Variants in VPS13B observed in about 807,000 individuals in gnomAD.
VPS13B encodes intermembrane lipid transfer protein VPS13B.
Under a neutral mutation model 426.4 loss-of-function variants are expected in VPS13B, and 285 were observed. The ratio of observed to expected loss-of-function variants is 0.67; its 90% CI spans 0.61 to 0.74. VPS13B has a LOEUF of 0.74. Ranked by LOEUF, VPS13B falls within the 30% of genes least tolerant of loss-of-function variation. VPS13B has a pLI of 0.00. For missense variants in VPS13B, 4,537 were observed against 4,782.6 expected (o/e 0.95, Z 1.51); for synonymous variants, 1,676 against 1,676.4 (o/e 1.00, Z 0.01).
At chr8:99,573,797 C>T (rs1825615966) in intron 31 of VPS13B, among the ~76,000 whole-genome samples, 7 of 152,036 alleles carry the variant, frequency 4.6e-5, no homozygotes, top group Admixed American at 4.6e-4. Flanking sequence ...TTTTTTGGTT[C>T]CATATGAACT....
chr8:99,329,810 A>G (rs1810459778), intron 19 of VPS13B, among the ~76,000 whole-genome samples: 1 of 152,082 alleles, frequency 6.6e-6, no homozygotes. Flanking sequence ...GCAAATAAAA[A>G]TAAAATAGAT....
chr8:99,309,032 G>GT (rs1415763327), intron 19 of VPS13B, among the ~76,000 whole-genome samples: 2 of 152,028 alleles, frequency 1.3e-5, no homozygotes, highest in Non-Finnish European at 2.9e-5. Context: ...GGAGTTGTTT[G>GT]TTTTTTTCTT....
intron 43 of VPS13B, 145 bp downstream of exon 43, chr8:99,784,621 T>C: frequency 9.2e-7 from 1 of 1,092,564 alleles, no homozygotes; most frequent in Admixed American, 1.9e-5. Flanking sequence ...AACCCAAGAG[T>C]GTTTAGAGAT....
At chr8:99,405,324 T>C (rs1815265518) in intron 21 of VPS13B, among the ~76,000 whole-genome samples, 1 of 152,190 alleles carries the variant, frequency 6.6e-6, no homozygotes, top group Admixed American at 6.5e-5. Context: ...CGAACCTTCA[T>C]TCACCATGAT....
rs376954713 is a variant in VPS13B, at chr8:99,507,843, C to T, written c.4224+640C>T. 1.8e-5 allele frequency: 29 copies of T among 1,613,914 alleles called. No homozygotes were observed. The highest frequency in any genetic ancestry group is 4.4e-5 in the South Asian group (4 of 91,078). ...TTCCTGTACTGACAAGCTGAACAGA[C>T]GCACCTTGTTGGTTCGACCCATCAG... On this transcript the variant is annotated intron_variant, in intron 28 of 61. Transcript: ENST00000357162.
chr8:99,719,976 TA>T (rs1220976333), intron 37 of VPS13B, among the ~76,000 whole-genome samples: 1 of 152,202 alleles, frequency 6.6e-6, no homozygotes, highest in Non-Finnish European at 1.5e-5. Flanking sequence ...AGGTTATTAT[TA>T]TGATTTTATT....
chr8:99,098,362 A>C (rs920652253), intron 4 of VPS13B, among the ~76,000 whole-genome samples: 6 of 152,118 alleles, frequency 3.9e-5, no homozygotes, highest in Non-Finnish European at 2.9e-5. Context: ...ACACTCACAC[A>C]TATGCACACA....
At chr8:99,759,783 A>G (rs1233605362) in intron 39 of VPS13B, among the ~76,000 whole-genome samples, 4 of 151,750 alleles carry the variant, frequency 2.6e-5, no homozygotes, top group African/African-American at 7.3e-5. Context: ...TATTCTTGGC[A>G]CTTCCCTCTC....
At chr8:99,736,735 C>T (rs1239162336) in intron 39 of VPS13B, among the ~76,000 whole-genome samples, 1 of 138,066 alleles carries the variant, frequency 7.2e-6, no homozygotes, top group Non-Finnish European at 1.5e-5. Context: ...GACTTCAGGA[C>T]TGAAAGATGT....
At chr8:99,546,145 G>T (rs777912944) in intron 30 of VPS13B, among the ~76,000 whole-genome samples, 1 of 151,718 alleles carries the variant, frequency 6.6e-6, no homozygotes, top group East Asian at 1.9e-4. Context: ...CTTCTTGACC[G>T]ATTTTATAAT....
intron 30 of VPS13B, among the ~76,000 whole-genome samples, chr8:99,534,208 C>T (rs1563781040): frequency 6.6e-6 from 1 of 152,082 alleles, no homozygotes; most frequent in Admixed American, 6.5e-5. Flanking sequence ...TTACATTTGG[C>T]CCTCACCAAA....
In VPS13B at chr8:99,729,380, T is replaced by C. The variant is rs80245833; in HGVS notation, c.7050+8333T>C. Among the ~76,000 whole-genome samples the C allele has an allele frequency of 6.4e-4, 97 of 152,302 alleles. 3 individuals are homozygous for C. The East Asian group carries it at 0.016, about 25-fold the overall frequency. Reference sequence around the variant, plus strand: ...TCTGCTCTGCACATCAAAGGCTATCTGCATCTGGAGAAAAGCCTTACACCA... The same window carrying C: ...TCTGCTCTGCACATCAAAGGCTATCCGCATCTGGAGAAAAGCCTTACACCA... On this transcript the variant is annotated intron_variant, in intron 39 of 61. Transcript: ENST00000357162.
intron 3 of VPS13B, among the ~76,000 whole-genome samples, chr8:99,056,276 G>A (rs573862975): frequency 3.9e-5 from 6 of 151,962 alleles, no homozygotes; most frequent in South Asian, 2.1e-4. Context: ...GCCCAGGCTC[G>A]TCTTGAACTC....
chr8:99,381,690 C>T (rs142945756), intron 19 of VPS13B, among the ~76,000 whole-genome samples: 3,103 of 151,640 alleles, frequency 0.02, 118 homozygotes, highest in African/African-American at 0.071. Flanking sequence ...GCTTGTTGGC[C>T]ATATGTATAT....
chr8:99,153,889 A>C (rs62532641), intron 14 of VPS13B, among the ~76,000 whole-genome samples: 4 of 151,364 alleles, frequency 2.6e-5, no homozygotes, highest in Non-Finnish European at 5.9e-5. Flanking sequence ...AAATTCTCTG[A>C]ATTTTTTTTT....
chr8:99,125,789 A>G (rs928244097), intron 8 of VPS13B, among the ~76,000 whole-genome samples: 7 of 152,188 alleles, frequency 4.6e-5, no homozygotes, highest in African/African-American at 1.7e-4. Flanking sequence ...TATTATGTAT[A>G]TTTTATGCAA....
At chr8:99,446,799 T>A (rs926725304) in intron 23 of VPS13B, among the ~76,000 whole-genome samples, 3 of 152,310 alleles carry the variant, frequency 2.0e-5, no homozygotes, top group African/African-American at 7.2e-5. Context: ...TACTAGTACC[T>A]GAATAGAGAT....
intron 33 of VPS13B, among the ~76,000 whole-genome samples, chr8:99,638,600 T>G (rs1829163005): frequency 6.6e-6 from 1 of 152,114 alleles, no homozygotes; most frequent in Admixed American, 6.6e-5. Flanking sequence ...CTACTGTGTT[T>G]GTTCAATATG....
intron 2 of VPS13B, among the ~76,000 whole-genome samples, chr8:99,018,335 G>A (rs1008834547): frequency 6.6e-6 from 1 of 152,222 alleles, no homozygotes; most frequent in African/African-American, 2.4e-5. Context: ...GCAGTAAGCT[G>A]AGATTGTGCC....
Sources: gnomAD v4.1 joint callset for allele counts (sites outside exome capture counted in the v4.1 genomes callset) on GRCh38, gnomAD v4.1.1 for gene constraint, MANE v1.5 for transcripts, NCBI Gene and HGNC (gene_info 2026-07-23, HGNC 2026-07-21) for gene names.